The following AKAP6 variants were observed in gnomAD, a reference collection of about 807,000 sequenced individuals.
AKAP6 encodes the protein A-kinase anchoring protein 6, also known as A-kinase anchor protein 6.
A neutral mutation model predicts 188.5 loss-of-function variants in AKAP6; 58 were observed. The observed-to-expected ratio is 0.31, with a 90% CI of 0.25 to 0.38. AKAP6 has a LOEUF of 0.38. Among genes scored for constraint, AKAP6 ranks in the 10% least tolerant of loss-of-function variants. The pLI, the probability that AKAP6 is intolerant of heterozygous loss-of-function variation, is 1.00. For missense variants in AKAP6, 2,710 were observed against 2,740.0 expected, an observed-to-expected ratio of 0.99 and a Z score of 0.24; for synonymous variants, 989 against 998.6, an observed-to-expected ratio of 0.99 and a Z score of 0.18.
chr14:32,332,103 G>T (rs911639956), intron 1 of AKAP6, among the ~76,000 whole-genome samples: 1 of 151,842 alleles, frequency 6.6e-6, no homozygotes, highest in Non-Finnish European at 1.5e-5. Context: ...ATAGGATTAG[G>T]TGTTATTATT....
At chr14:32,765,774 A>C (rs1261324537) in intron 11 of AKAP6, among the ~76,000 whole-genome samples, 1 of 151,916 alleles carries the variant, frequency 6.6e-6, no homozygotes, top group East Asian at 1.9e-4. Flanking sequence ...CCATGGTTGC[A>C]GAACCATAGT....
In AKAP6 at chr14:32,433,572, G is replaced by A; in HGVS notation, c.79G>A (p.Ala27Thr). ...CATGGCTACTGATGCTTCACCCATG[G>A]CCATCAACATGACACCCACTGTGGA... ...DPMATDASPMAINMTPTVEQG... is the reference protein window; with the variant it reads ...DPMATDASPMTINMTPTVEQG... The change falls in exon 2 of 14, where the codon GCC becomes ACC. Residue 27 changes from alanine (A) to threonine (T), a missense_variant. Physicochemically the swap from Ala to Thr is moderately conservative, Grantham distance 58 (BLOSUM62 0). Coordinates refer to ENST00000280979, the MANE Select transcript of AKAP6 (RefSeq NM_004274.5). 2.5e-6 allele frequency: 4 copies of A among 1,614,088 alleles called. No homozygotes were observed. The highest frequency in any genetic ancestry group is 1.7e-6 in the Non-Finnish European group (2 of 1,180,026).
intron 2 of AKAP6, among the ~76,000 whole-genome samples, chr14:32,526,694 CT>C (rs1292316592): frequency 2.6e-5 from 4 of 152,128 alleles, no homozygotes; most frequent in African/African-American, 9.7e-5. Flanking sequence ...ATAGTTAATT[CT>C]TAATATGACA....
chr14:32,687,620 T>A (rs1889994044), intron 8 of AKAP6, among the ~76,000 whole-genome samples: 1 of 152,112 alleles, frequency 6.6e-6, no homozygotes, highest in African/African-American at 2.4e-5. Context: ...GATAACAGTC[T>A]CACATATAGA....
intron 1 of AKAP6, among the ~76,000 whole-genome samples, chr14:32,376,232 C>T (rs1045191654): frequency 2.6e-5 from 4 of 152,230 alleles, no homozygotes; most frequent in African/African-American, 9.7e-5. Flanking sequence ...GGGCACCCCC[C>T]ACTCCCTTAG....
chr14:32,658,019 A>G (rs1232742018), intron 7 of AKAP6, among the ~76,000 whole-genome samples: 1 of 152,142 alleles, frequency 6.6e-6, no homozygotes, highest in Non-Finnish European at 1.5e-5. Context: ...TCTTAAACAT[A>G]AAACAAGGCA....
chr14:32,533,544 G>GT (rs981174968), intron 2 of AKAP6, among the ~76,000 whole-genome samples: 3 of 152,072 alleles, frequency 2.0e-5, no homozygotes, highest in Admixed American at 6.6e-5. Context: ...GTTAAGGAGT[G>GT]TTTTTTTACA....
chr14:32,429,833 T>C (rs971202850), intron 1 of AKAP6, among the ~76,000 whole-genome samples: 8 of 152,236 alleles, frequency 5.3e-5, no homozygotes, highest in African/African-American at 1.9e-4. Flanking sequence ...TTTGGCAGCT[T>C]GAATGTAAGA....
At chr14:32,829,447 C>G (rs2034767191) in intron 13 of AKAP6, among the ~76,000 whole-genome samples, 1 of 152,174 alleles carries the variant, frequency 6.6e-6, no homozygotes, top group Non-Finnish European at 1.5e-5. Context: ...AATCATTGTA[C>G]ATTGTAAATA....
At chr14:32,394,852 T>G (rs1358283031) in intron 1 of AKAP6, among the ~76,000 whole-genome samples, 2 of 152,188 alleles carry the variant, frequency 1.3e-5, no homozygotes, top group Non-Finnish European at 2.9e-5. Context: ...TTTGCCATTC[T>G]TAGAAACTAA....
chr14:32,535,969 T>C lies in AKAP6; in HGVS notation c.576+164T>C, dbSNP rs77948422. On this transcript the variant is annotated intron_variant, in intron 3 of 13. Transcript: ENST00000280979. ...ACTAGAAGCTAGGGCACTTCCAATA[T>C]GAATGGGGCTTTAGACCAGAGTTAG... Among the ~76,000 whole-genome samples the C allele has an allele frequency of 6.4e-3, 976 of 152,334 alleles. 47 individuals carry two copies. In the East Asian group the frequency reaches 0.1, roughly 16 times the overall value.
chr14:32,466,752 AAAG>A (rs1365868555), intron 2 of AKAP6, among the ~76,000 whole-genome samples: 46 of 149,660 alleles, frequency 3.1e-4, no homozygotes, highest in Non-Finnish European at 5.9e-4. Flanking sequence ...AAAAAAAAAA[AAAG>A]AGATATATTA....
At chr14:32,630,066 T>C (rs911694212) in intron 7 of AKAP6, among the ~76,000 whole-genome samples, 1 of 152,134 alleles carries the variant, frequency 6.6e-6, no homozygotes, top group Admixed American at 6.6e-5. Context: ...AAATGTATTC[T>C]GGTGTGTGAA....
At chr14:32,659,509 C>T (rs559712128) in intron 7 of AKAP6, among the ~76,000 whole-genome samples, 29 of 152,128 alleles carry the variant, frequency 1.9e-4, no homozygotes, top group Admixed American at 1.4e-3. Context: ...CACGTGGTGA[C>T]AGCTCAAATC....
intron 8 of AKAP6, among the ~76,000 whole-genome samples, chr14:32,692,074 G>A (rs559693977): frequency 3.5e-4 from 53 of 152,284 alleles, no homozygotes; most frequent in African/African-American, 1.2e-3. Flanking sequence ...TGGTACCAAG[G>A]CATTTACTGT....
At chr14:32,694,577 T>C (rs1890321770) in intron 8 of AKAP6, among the ~76,000 whole-genome samples, 1 of 152,168 alleles carries the variant, frequency 6.6e-6, no homozygotes, top group Admixed American at 6.6e-5. Context: ...ACTATAACCG[T>C]CATTGGCATC....
chr14:32,734,828 T>C lies in AKAP6; in HGVS notation c.3148-830T>C, dbSNP rs182692953. ...ACCAGATGAATGTTTGTTGACTTAA[T>C]TTTATTTATGTTTTAAAGCTTATTT... On this transcript the variant is annotated intron_variant, in intron 10 of 13. Transcript: ENST00000280979. 1.6e-3 allele frequency among the ~76,000 whole-genome samples: 248 copies of C among 152,256 alleles called. 1 individual carries two copies. The highest frequency in any genetic ancestry group is 5.5e-3 in the African/African-American group (229 of 41,560).
At chr14:32,599,036 T>A (rs930555010) in intron 5 of AKAP6, among the ~76,000 whole-genome samples, 6 of 152,168 alleles carry the variant, frequency 3.9e-5, no homozygotes, top group Non-Finnish European at 8.8e-5. Context: ...GCCAATTTTT[T>A]ATGGTTTCAT....
intron 1 of AKAP6, among the ~76,000 whole-genome samples, chr14:32,346,207 T>C (rs1489933460): frequency 1.3e-5 from 2 of 152,124 alleles, no homozygotes; most frequent in African/African-American, 2.4e-5. Flanking sequence ...TGAGTGTGCA[T>C]ACATGTGAAA....
Sources: allele counts gnomAD v4.1 joint callset (sites outside exome capture counted in the v4.1 genomes callset), GRCh38; gene constraint gnomAD v4.1.1; transcripts MANE v1.5; gene names NCBI Gene and HGNC (gene_info 2026-07-23, HGNC 2026-07-21).